The following ICA1L variants were observed in gnomAD, a reference collection of about 807,000 sequenced individuals.
ICA1L encodes islet cell autoantigen 1 like, also known as islet cell autoantigen 1-like protein.
A neutral mutation model predicts 61.3 loss-of-function variants in ICA1L; 50 were observed. The observed-to-expected ratio is 0.82, with a 90% CI of 0.65 to 1.03. ICA1L has a LOEUF of 1.03. Ranked by LOEUF, ICA1L falls within the 50% of genes least tolerant of loss-of-function variation. The pLI is 0.00. For missense variants in ICA1L, 508 were observed against 556.7 expected, an observed-to-expected ratio of 0.91 and a Z score of 0.88; for synonymous variants, 161 against 191.3, an observed-to-expected ratio of 0.84 and a Z score of 1.31.
At chr2:202,815,804 T>C (rs1693515809) in intron 7 of ICA1L, 107 bp downstream of exon 7, 3 of 621,778 alleles carry the variant, frequency 4.8e-6, no homozygotes, top group Non-Finnish European at 7.8e-6. Flanking sequence ...TTTCTCAATG[T>C]TTTGTAAATT....
chr2:202,788,694 G>GT (rs1486953646), intron 11 of ICA1L, 136 bp downstream of exon 11: 3 of 842,376 alleles, frequency 3.6e-6, no homozygotes, highest in East Asian at 5.4e-5. Flanking sequence ...CAGTTGATTG[G>GT]TGGACTGCAG....
chr2:202,814,771 G>A lies in ICA1L; in HGVS notation c.797C>T (p.Thr266Met), dbSNP rs190290860. Residue 266 changes from threonine (T) to methionine (M), a missense_variant, in exon 8 of 13, where the codon ACG becomes ATG. Transcript: ENST00000358299. ...ATTGTCTTCACTAATCTTGCTTGGCGTGTCTTGTAGTTGCTAAAGATAAGA... is the reference window on the plus strand; with the variant it reads ...ATTGTCTTCACTAATCTTGCTTGGCATGTCTTGTAGTTGCTAAAGATAAGA... ...DFVALKQLQD[T>M]PSKISEDNKD... 3.0e-5 allele frequency: 48 copies of A among 1,612,166 alleles called. No homozygotes were observed. The highest frequency in any genetic ancestry group is 1.4e-4 in the South Asian group (13 of 90,858).
chr2:202,786,069 CAAGAA>C lies in ICA1L; in HGVS notation c.1244-67_1244-63del, dbSNP rs1438565166. On this transcript the variant is annotated intron_variant, in intron 11 of 12. Coordinates refer to ENST00000358299, the MANE Select transcript of ICA1L (RefSeq NM_001288622.3). ...CAAATAGGAAGCAGCATCAGAAAAA[CAAGAA>C]AAGGTAAAAATATCTAAGTCCTCCA... 4 of 932,430 alleles carry C rather than the reference CAAGAA, an allele frequency of 4.3e-6. No individual in the cohort carries two copies. The African/African-American group carries it at 5.0e-5, about 12-fold the overall frequency. The allele number at this position is 932,430 out of a possible 1,614,324, so 57.8% of individuals were successfully genotyped here. A position where few individuals can be genotyped will look rare whatever the true frequency, so the allele number is the denominator to read the frequency against.
intron 11 of ICA1L, among the ~76,000 whole-genome samples, chr2:202,787,772 G>A (rs1692632354): frequency 6.6e-6 from 1 of 152,192 alleles, no homozygotes; most frequent in South Asian, 2.1e-4. Context: ...TCTAGGATGT[G>A]AGAGACTGGA....
chr2:202,801,916 A>C (rs190849216), intron 9 of ICA1L, among the ~76,000 whole-genome samples: 1 of 152,352 alleles, frequency 6.6e-6, no homozygotes, highest in Admixed American at 6.5e-5. Context: ...AAAATTATCT[A>C]GGCCTCTAGG....
intron 8 of ICA1L, among the ~76,000 whole-genome samples, 161 bp from the exon 9 acceptor site, chr2:202,811,950 T>C (rs1257069487): frequency 6.6e-6 from 1 of 152,206 alleles, no homozygotes; most frequent in African/African-American, 2.4e-5. Flanking sequence ...AATTTCCTAC[T>C]TCTTTTATAG....
At position 202,797,904 on chromosome 2, in the gene ICA1L, G is replaced by A. The variant is rs138196076; in HGVS notation, c.911-940C>T. Among the ~76,000 whole-genome samples the A allele has an allele frequency of 7.7e-3, 1,174 of 152,108 alleles. 9 individuals are homozygous for A. Among genetic ancestry groups the A allele is most frequent in the Non-Finnish European group, 0.012 (786 of 67,990 alleles). On this transcript the variant is annotated intron_variant, in intron 9 of 12. Transcript: ENST00000358299. ...TAGATCTTTTGAACTTACTCCTCCC[G>A]GTCTAGTTGAAATTTTGTATCCTTT...
intron 1 of ICA1L, among the ~76,000 whole-genome samples, chr2:202,831,483 T>A (rs1694013197): frequency 6.6e-6 from 1 of 152,174 alleles, no homozygotes; most frequent in Non-Finnish European, 1.5e-5. Flanking sequence ...GACAAACTGT[T>A]AATCTCTTCT....
chr2:202,814,586 G>GA, intron 8 of ICA1L, 116 bp downstream of exon 8: 1 of 708,952 alleles, frequency 1.4e-6, no homozygotes, highest in East Asian at 2.7e-5. Flanking sequence ...GTGTTGATTG[G>GA]AAAAATGACA....
intron 1 of ICA1L, 35 bp downstream of exon 1, chr2:202,871,584 G>T (rs1011083534): frequency 1.3e-5 from 2 of 152,044 alleles, no homozygotes; most frequent in African/African-American, 4.8e-5. Context: ...CGCCTGAGGG[G>T]GAATAGGGGC....
chr2:202,812,084 A>T (rs1237015334), intron 8 of ICA1L, among the ~76,000 whole-genome samples: 1 of 152,170 alleles, frequency 6.6e-6, no homozygotes, highest in Non-Finnish European at 1.5e-5. Context: ...ATAGAGTAAG[A>T]AGTTTCATTT....
In ICA1L at chr2:202,775,805, AC is replaced by A. The variant is rs1205868511; in HGVS notation, c.*3727del. 3 of 152,212 alleles carry A rather than the reference AC, an allele frequency of 2.0e-5. No homozygotes were observed. Among genetic ancestry groups the A allele is most frequent in the African/African-American group, 7.2e-5 (3 of 41,440 alleles). The allele number at this position is 152,212 out of a possible 1,614,324, so 9.4% of individuals were successfully genotyped here. A position where few individuals can be genotyped will look rare whatever the true frequency, so the allele number is the denominator to read the frequency against. The stretch of plus-strand genomic sequence containing the variant: ...AAGTGCTGTTATATAGGCGTGAGCT[AC>A]CGCGCCTGGCCTTACAAGGATATTA... On this transcript the variant is annotated 3_prime_UTR_variant, in exon 13 of 13. Coordinates refer to ENST00000358299, the MANE Select transcript of ICA1L (RefSeq NM_001288622.3).
intron 1 of ICA1L, among the ~76,000 whole-genome samples, chr2:202,831,024 T>C (rs966075871): frequency 2.0e-5 from 3 of 151,928 alleles, no homozygotes; most frequent in Admixed American, 6.5e-5. Context: ...ACCAGGTAAA[T>C]AGAAGCAAAA....
Position 202,779,504 on chromosome 2 carries a change from A to C in ICA1L, c.*29T>G. ...AATACGTTGCAAAATTGATGTCTCA[A>C]GGCCACTGAAGTGACATTATAACTT... On this transcript the variant is annotated 3_prime_UTR_variant, in exon 13 of 13. Transcript: ENST00000358299. The C allele has an allele frequency of 7.4e-7, 1 of 1,357,346 alleles. No homozygotes were observed. The highest frequency in any genetic ancestry group is 1.0e-6 in the Non-Finnish European group (1 of 954,474). 84.1% of individuals were successfully genotyped at this position (1,357,346 alleles called of 1,614,324 possible).
At chr2:202,823,483 T>A (rs1310594315) in intron 3 of ICA1L, among the ~76,000 whole-genome samples, 1 of 152,108 alleles carries the variant, frequency 6.6e-6, no homozygotes, top group Non-Finnish European at 1.5e-5. Flanking sequence ...TTCTTCACAT[T>A]TTCATTTCTG....
chr2:202,823,242 A>C (rs1253274735), intron 3 of ICA1L, among the ~76,000 whole-genome samples: 1 of 152,120 alleles, frequency 6.6e-6, no homozygotes, highest in Non-Finnish European at 1.5e-5. Context: ...TTCTCCCCTG[A>C]GTCAAGAGAG....
In ICA1L at chr2:202,774,173, T is replaced by C. The variant is rs1278398850; in HGVS notation, c.*5360A>G. The C allele has an allele frequency of 1.9e-6, 3 of 1,549,896 alleles. No homozygotes were observed. The highest frequency in any genetic ancestry group is 2.6e-6 in the Non-Finnish European group (3 of 1,145,588). On this transcript the variant is annotated 3_prime_UTR_variant, in exon 13 of 13. Coordinates refer to ENST00000358299, the MANE Select transcript of ICA1L (RefSeq NM_001288622.3). ...TGATGCTTCATATCTGAGCGGCTTC[T>C]TGGAGAGCGGGCACACCAGGAACTC...
chr2:202,832,120 C>G (rs1021542340), intron 1 of ICA1L, among the ~76,000 whole-genome samples: 3 of 152,136 alleles, frequency 2.0e-5, no homozygotes, highest in African/African-American at 7.2e-5. Flanking sequence ...CCAGAGGAGA[C>G]AGTTTGGAGT....
chr2:202,796,729 A>G (rs2105829506), intron 10 of ICA1L, among the ~76,000 whole-genome samples, 161 bp downstream of exon 10: 1 of 152,354 alleles, frequency 6.6e-6, no homozygotes, highest in South Asian at 2.1e-4. Flanking sequence ...TATAAAACAA[A>G]TAATTATTTA....
Sources: gnomAD v4.1 joint callset for allele counts (sites outside exome capture counted in the v4.1 genomes callset) on GRCh38, gnomAD v4.1.1 for gene constraint, MANE v1.5 for transcripts, NCBI Gene and HGNC (gene_info 2026-07-23, HGNC 2026-07-21) for gene names.